Variants in GRID2 observed in about 807,000 individuals in gnomAD.
The protein encoded by GRID2 is glutamate ionotropic receptor delta type subunit 2.
GRID2 carries 33 observed loss-of-function variants against 114.8 expected under a neutral mutation model. The observed-to-expected ratio is 0.29, with a 90% CI of 0.22 to 0.38. The LOEUF is 0.38. GRID2 is among the 10% of genes least tolerant of loss of function. The probability of loss-of-function intolerance (pLI) is 1.00; values close to 1 mark genes in which losing one functional copy is unlikely to be tolerated. For synonymous variants in GRID2, 505 were observed against 449.9 expected (o/e 1.12, Z -1.55); for missense variants, 1,184 against 1,257.7 (o/e 0.94, Z 0.89).
intron 3 of GRID2, among the ~76,000 whole-genome samples, chr4:93,089,757 G>A (rs1159214674): frequency 6.6e-6 from 1 of 152,146 alleles, no homozygotes; most frequent in East Asian, 1.9e-4. Context: ...AAGCTAGCAA[G>A]TTAGCCTGCA....
In GRID2 at chr4:93,216,871, C is replaced by T; in HGVS notation, c.923C>T (p.Thr308Ile). The change falls in exon 6 of 16, where the codon ACA becomes ATA. Residue 308 changes from threonine (T) to isoleucine (I), a missense_variant. Around this residue, in one of 3 missense-constraint regions of GRID2, gnomAD observed 455 missense variants for 429.5 expected, o/e 1.06. Coordinates refer to ENST00000282020, the MANE Select transcript of GRID2 (RefSeq NM_001510.4). ...CGTGGCAACCATCGAATATCTTCAA[C>T]ATTGTGTGATCCAAAGGATCCATTT... ...CFRGNHRISS[T>I]LCDPKDPFAQ... 1 of 1,612,888 alleles carries T rather than the reference C, an allele frequency of 6.2e-7. No homozygotes were observed. Among genetic ancestry groups the T allele is most frequent in the East Asian group, 2.2e-5 (1 of 44,848 alleles).
At chr4:93,221,181 C>T (rs537601513) in intron 6 of GRID2, among the ~76,000 whole-genome samples, 2 of 152,256 alleles carry the variant, frequency 1.3e-5, no homozygotes, top group African/African-American at 4.8e-5. Flanking sequence ...ACACTATTCT[C>T]TCCTAGTCAG....
Position 93,461,821 on chromosome 4 carries a change from T to G in GRID2, c.1858+5847T>G, listed in dbSNP as rs1723769850. Among the ~76,000 whole-genome samples the G allele has an allele frequency of 2.0e-5, 3 of 152,166 alleles. No individual in the cohort carries two copies. In the South Asian group the frequency reaches 6.2e-4, roughly 31 times the overall value. ...TTTTATGTCCTCCGTTATCTCCATG[T>G]CTACATACATCTCCTTTCAATTAAT... On this transcript the variant is annotated intron_variant, in intron 11 of 15. Coordinates refer to ENST00000282020, the MANE Select transcript of GRID2 (RefSeq NM_001510.4).
intron 2 of GRID2, among the ~76,000 whole-genome samples, chr4:92,902,287 A>G (rs1409488793): frequency 6.6e-6 from 1 of 151,878 alleles, no homozygotes; most frequent in Non-Finnish European, 1.5e-5. Context: ...ATCAGTTGTA[A>G]TGTCTTCTTT....
At chr4:92,942,896 C>T (rs376051285) in intron 2 of GRID2, among the ~76,000 whole-genome samples, 1 of 152,144 alleles carries the variant, frequency 6.6e-6, no homozygotes, top group Non-Finnish European at 1.5e-5. Flanking sequence ...TGAATATTGG[C>T]CCCCACTCTC....
At position 93,550,110 on chromosome 4, in the gene GRID2, T is replaced by C. The variant is rs544790857; in HGVS notation, c.2193+34699T>C. Among the ~76,000 whole-genome samples, 9 of 152,182 alleles carry C rather than the reference T, an allele frequency of 5.9e-5. No individual in the cohort carries two copies. In the South Asian group the frequency reaches 1.0e-3, roughly 18 times the overall value. Reference sequence around the variant, plus strand: ...CTGATATTTTTATTATATTTTATTTTATTTATTTTTAGAGACAGGGGTGTC... The same window carrying C: ...CTGATATTTTTATTATATTTTATTTCATTTATTTTTAGAGACAGGGGTGTC... On this transcript the variant is annotated intron_variant, in intron 13 of 15. Coordinates refer to ENST00000282020, the MANE Select transcript of GRID2 (RefSeq NM_001510.4).
At chr4:92,872,420 A>C (rs1183876730) in intron 2 of GRID2, among the ~76,000 whole-genome samples, 2 of 152,166 alleles carry the variant, frequency 1.3e-5, no homozygotes, top group Non-Finnish European at 2.9e-5. Flanking sequence ...ATGAAGAAAA[A>C]TCCTTAATTA....
rs186235347 is a variant in GRID2 at position 92,937,976 on chromosome 4, G to A, written c.245-147019G>A. Among the ~76,000 whole-genome samples the A allele has an allele frequency of 3.2e-4, 47 of 146,534 alleles. 2 individuals carry two copies. The highest frequency in any genetic ancestry group is 8.7e-4 in the African/African-American group (36 of 41,230). ...CACCTTTAAATATGATGGTAGCTGTGGGTTTTCCACAAATGCCCTTTATTA... is the reference window on the plus strand; with the variant it reads ...CACCTTTAAATATGATGGTAGCTGTAGGTTTTCCACAAATGCCCTTTATTA... On this transcript the variant is annotated intron_variant, in intron 2 of 15. Transcript: ENST00000282020.
chr4:93,797,131 C>A (rs1282205856), intron 1 of GRID2, among the ~76,000 whole-genome samples: 2 of 152,064 alleles, frequency 1.3e-5, no homozygotes, highest in African/African-American at 4.8e-5. Flanking sequence ...AAAGGCTCAG[C>A]AAAAATGTGG....
intron 2 of GRID2, among the ~76,000 whole-genome samples, chr4:92,941,442 AT>A (rs1168172152): frequency 6.6e-6 from 1 of 151,886 alleles, no homozygotes; most frequent in Non-Finnish European, 1.5e-5. Context: ...TATTGTGTCT[AT>A]TTGATTCTTC....
At chr4:92,916,195 T>A (rs1748776216) in intron 2 of GRID2, among the ~76,000 whole-genome samples, 1 of 152,082 alleles carries the variant, frequency 6.6e-6, no homozygotes, top group African/African-American at 2.4e-5. Flanking sequence ...GTGTTTATAG[T>A]GTTGTGTTTT....
intron 1 of GRID2, among the ~76,000 whole-genome samples, chr4:92,373,703 C>G (rs758645848): frequency 3.3e-5 from 5 of 152,112 alleles, no homozygotes; most frequent in Non-Finnish European, 7.3e-5. Context: ...ATTATTAGTA[C>G]TACTCATACA....
chr4:92,747,805 A>T (rs1273002515), intron 2 of GRID2, among the ~76,000 whole-genome samples: 1 of 152,164 alleles, frequency 6.6e-6, no homozygotes, highest in Non-Finnish European at 1.5e-5. Flanking sequence ...TAAGACCTTG[A>T]TGTTAAGTCT....
At chr4:92,461,961 A>C (rs1721522236) in intron 1 of GRID2, among the ~76,000 whole-genome samples, 1 of 152,038 alleles carries the variant, frequency 6.6e-6, no homozygotes, top group Non-Finnish European at 1.5e-5. Context: ...CGTCTTTGAC[A>C]GCTGACATTT....
intron 4 of GRID2, among the ~76,000 whole-genome samples, chr4:93,114,312 A>C (rs954274898): frequency 6.6e-6 from 1 of 152,088 alleles, no homozygotes; most frequent in Non-Finnish European, 1.5e-5. Flanking sequence ...CTGATAATCA[A>C]TTTCAACTGA....
chr4:93,184,520 A>C (rs1260595520), intron 4 of GRID2, among the ~76,000 whole-genome samples: 3 of 151,878 alleles, frequency 2.0e-5, no homozygotes, highest in South Asian at 4.1e-4. Context: ...AAAAAAAAAA[A>C]AAAAAAAAAA....
chr4:93,728,472 G>A (rs1453504968), intron 14 of GRID2, among the ~76,000 whole-genome samples: 1 of 152,102 alleles, frequency 6.6e-6, no homozygotes. Flanking sequence ...GTTGATTTGG[G>A]GTGGAGAGTT....
intron 2 of GRID2, among the ~76,000 whole-genome samples, chr4:93,007,304 A>T (rs972157435): frequency 3.9e-5 from 6 of 152,080 alleles, no homozygotes; most frequent in African/African-American, 1.4e-4. Context: ...GGTAATTCTT[A>T]AATATGTTCT....
At chr4:93,260,546 G>T (rs1478229602) in intron 8 of GRID2, among the ~76,000 whole-genome samples, 2 of 151,662 alleles carry the variant, frequency 1.3e-5, no homozygotes, top group African/African-American at 4.8e-5. Flanking sequence ...AGGCATTCAA[G>T]CATCAACTGT....
Sources: gnomAD v4.1 joint callset for allele counts (sites outside exome capture counted in the v4.1 genomes callset) on GRCh38, gnomAD v4.1.1 for gene constraint, gnomAD v4.1.1 regional missense constraint, MANE v1.5 for transcripts, NCBI Gene and HGNC (gene_info 2026-07-23, HGNC 2026-07-21) for gene names.